Variants in NCAPD2 observed in about 807,000 individuals in gnomAD.
The protein encoded by NCAPD2 is non-SMC condensin I complex subunit D2.
A neutral mutation model predicts 164.5 loss-of-function variants in NCAPD2; 100 were observed. The ratio of observed to expected loss-of-function variants is 0.61; its 90% CI spans 0.52 to 0.72. NCAPD2 has a LOEUF of 0.72. Ranked by LOEUF, NCAPD2 falls within the 30% of genes least tolerant of loss-of-function variation. The pLI is 0.00. For missense variants in NCAPD2, 1,560 were observed against 1,749.2 expected (o/e 0.89, Z 1.93); for synonymous variants, 585 against 642.6 (o/e 0.91, Z 1.36).
chr12:6,500,326 A>G (rs1206285667), intron 2 of NCAPD2, among the ~76,000 whole-genome samples: 3 of 152,228 alleles, frequency 2.0e-5, no homozygotes, highest in Non-Finnish European at 4.4e-5. Context: ...TTGGATCATC[A>G]GAGAAGGCTT....
chr12:6,523,122 C>A, intron 16 of NCAPD2, 120 bp downstream of exon 16: 1 of 1,443,944 alleles, frequency 6.9e-7, no homozygotes. Context: ...ATAGGCAGTC[C>A]ATCATAGTGG....
chr12:6,506,609 T>C (rs889819446), intron 2 of NCAPD2, among the ~76,000 whole-genome samples: 1 of 151,144 alleles, frequency 6.6e-6, no homozygotes, highest in Admixed American at 6.6e-5. Context: ...AAAAAAGACA[T>C]ATATATTTTA....
At chr12:6,526,767 A>ACTC in intron 21 of NCAPD2, 124 bp from the exon 22 acceptor site, 1 of 1,419,798 alleles carries the variant, frequency 7.0e-7, no homozygotes, top group South Asian at 1.3e-5. Flanking sequence ...CCCACCCCCA[A>ACTC]CTCTTACTAC....
intron 6 of NCAPD2, among the ~76,000 whole-genome samples, chr12:6,512,292 A>AGAT (rs1491015938): frequency 3.9e-5 from 5 of 128,946 alleles, no homozygotes; most frequent in Non-Finnish European, 6.7e-5. Flanking sequence ...AAAAAAAAAA[A>AGAT]AGATAGATAG....
rs1946171835 is a variant in NCAPD2, at chr12:6,513,715, C to CTTTGTTTTTTTTTTTTTTTTT, written c.588-547_588-546insGTTTTTTTTTTTTTTTTTTTT. Among the ~76,000 whole-genome samples the CTTTGTTTTTTTTTTTTTTTTT allele has an allele frequency of 8.0e-5, 6 of 74,894 alleles. 1 individual carries two copies. The highest frequency in any genetic ancestry group is 1.5e-4 in the Non-Finnish European group (6 of 39,380). 49.1% of individuals were successfully genotyped at this position (74,894 alleles called of 152,430 possible). ...AATGAGAAGTCATTGGTGACTTTGT[C>CTTTGTTTTTTTTTTTTTTTTT]TTTTTTTTTTTTTTTTTTGTGATGG... On this transcript the variant is annotated intron_variant, in intron 6 of 31. Transcript: ENST00000315579.
At position 6,499,411 on chromosome 12, in the gene NCAPD2, G is replaced by A. The variant is rs149823735; in HGVS notation, c.127+4186G>A. On this transcript the variant is annotated intron_variant, in intron 2 of 31. Transcript: ENST00000315579. ...GGGGTTTTTTTGTTGTTCTGGAGAC[G>A]GAGTTTTGCTCTGTCGCCCAGGTTG... is the stretch of plus-strand genomic sequence containing the variant. Among the ~76,000 whole-genome samples, 87 of 151,582 alleles carry A rather than the reference G, an allele frequency of 5.7e-4. 2 individuals carry two copies. In the East Asian group the frequency reaches 0.012, roughly 22 times the overall value.
Position 6,531,501 on chromosome 12 carries a change from CTCTTT to C in NCAPD2, c.*91_*95del. The C allele has an allele frequency of 1.3e-6, 2 of 1,527,930 alleles. No homozygotes were observed. Among genetic ancestry groups the C allele is most frequent in the African/African-American group, 1.5e-5 (1 of 67,164 alleles). 94.6% of individuals were successfully genotyped at this position (1,527,930 alleles called of 1,614,324 possible). On this transcript the variant is annotated 3_prime_UTR_variant, in exon 32 of 32. Coordinates refer to ENST00000315579, the MANE Select transcript of NCAPD2 (RefSeq NM_014865.4). The surrounding 1 kb of genome is among the most constrained non-coding windows in gnomAD (Gnocchi z 4.1). ...TTTCCCTTGTAAAATATTTGTCTGT[CTCTTT>C]TTTTTAAAAAAAAAAAAGGCCGGGC...
chr12:6,531,447 C>A lies in NCAPD2; in HGVS notation c.*35C>A. On this transcript the variant is annotated 3_prime_UTR_variant, in exon 32 of 32. Coordinates refer to ENST00000315579, the MANE Select transcript of NCAPD2 (RefSeq NM_014865.4). This position sits in a 1 kb window ranked among gnomAD's most constrained non-coding sequence, Gnocchi z 4.1. Reference sequence around the variant, plus strand: ...TCCTGTCCTCCCTGTGCAGGGTATCCTGTAGGGTGACCTGGAATTCGAATT... The same window carrying A: ...TCCTGTCCTCCCTGTGCAGGGTATCATGTAGGGTGACCTGGAATTCGAATT... The A allele has an allele frequency of 6.2e-7, 1 of 1,609,762 alleles. No individual in the cohort carries two copies. Among genetic ancestry groups the A allele is most frequent in the Non-Finnish European group, 8.5e-7 (1 of 1,178,584 alleles).
intron 5 of NCAPD2, 30 bp downstream of exon 5, chr12:6,510,840 T>A: frequency 3.1e-6 from 5 of 1,601,196 alleles, no homozygotes; most frequent in Non-Finnish European, 4.3e-6. Flanking sequence ...TCACGTTATA[T>A]GGGGTCTGGG....
intron 14 of NCAPD2, 131 bp downstream of exon 14, chr12:6,521,241 C>G: frequency 8.6e-7 from 1 of 1,158,060 alleles, no homozygotes. Context: ...ATTGGCATTA[C>G]TTTTGCTCTG....
rs201735986 is a variant in NCAPD2 at position 6,528,684 on chromosome 12, G to A, written c.3305G>A (p.Arg1102Gln). 122 of 1,611,068 alleles carry A rather than the reference G, an allele frequency of 7.6e-5. No individual in the cohort carries two copies. The highest frequency in any genetic ancestry group is 9.4e-5 in the Non-Finnish European group (111 of 1,177,576). ...ACCCGCAATTCCATTCCTAGTCTCC[G>A]GGACCCTGCTCAGCAAGTGCGGAAA... is the stretch of plus-strand genomic sequence containing the variant. ...PWTPHLYARL[R>Q]DPAQQVRKTA... Residue 1102 changes from arginine to glutamine, a missense_variant, in exon 26 of 32, where the codon CGG becomes CAG. Coordinates refer to ENST00000315579, the MANE Select transcript of NCAPD2 (RefSeq NM_014865.4). The surrounding 1 kb of genome is among the most constrained non-coding windows in gnomAD (Gnocchi z 5.1).
At chr12:6,524,465 G>A (rs747333168) in intron 17 of NCAPD2, among the ~76,000 whole-genome samples, 1 of 151,894 alleles carries the variant, frequency 6.6e-6, no homozygotes, top group Non-Finnish European at 1.5e-5. Context: ...TGGTCAACAT[G>A]GCGAAACCCC....
intron 6 of NCAPD2, among the ~76,000 whole-genome samples, chr12:6,512,404 A>G (rs889973757): frequency 6.6e-6 from 1 of 152,188 alleles, no homozygotes; most frequent in Non-Finnish European, 1.5e-5. Context: ...ACTGAGAGCT[A>G]TGAGAATATG....
At chr12:6,527,225 C>T (rs995274556) in intron 22 of NCAPD2, among the ~76,000 whole-genome samples, 162 bp downstream of exon 22, 7 of 152,174 alleles carry the variant, frequency 4.6e-5, no homozygotes, top group Admixed American at 2.6e-4. Context: ...TGAACAATGA[C>T]GAAACTGTCA....
At chr12:6,511,902 T>C (rs536167452) in intron 6 of NCAPD2, among the ~76,000 whole-genome samples, 1 of 151,798 alleles carries the variant, frequency 6.6e-6, no homozygotes, top group Non-Finnish European at 1.5e-5. Flanking sequence ...GAGCATCACT[T>C]GAACCTGGGA....
chr12:6,512,548 G>A (rs558407456), intron 6 of NCAPD2, among the ~76,000 whole-genome samples: 4 of 152,358 alleles, frequency 2.6e-5, no homozygotes, highest in South Asian at 2.1e-4. Context: ...GGGTTAGGCC[G>A]TGAGGCCATG....
At chr12:6,526,861 T>G in intron 21 of NCAPD2, 30 bp from the exon 22 acceptor site, 1 of 1,578,794 alleles carries the variant, frequency 6.3e-7, no homozygotes, top group South Asian at 1.2e-5. Flanking sequence ...AATGTCTCTT[T>G]GCCCCACCTT....
At chr12:6,504,182 CATATATATATATATATATATAT>C (rs1176237960) in intron 2 of NCAPD2, among the ~76,000 whole-genome samples, 7 of 57,762 alleles carry the variant, frequency 1.2e-4, no homozygotes, top group African/African-American at 1.6e-4. Flanking sequence ...TATATATATA[CATATATATATATATATATATAT>C]ATATATATAT....
intron 15 of NCAPD2, 128 bp from the exon 16 acceptor site, chr12:6,522,700 A>C: frequency 1.0e-6 from 1 of 952,458 alleles, no homozygotes; most frequent in Non-Finnish European, 1.6e-6. Flanking sequence ...TCATAGGAGG[A>C]GTCGACATTC....
Sources: gnomAD v4.1 joint callset for allele counts (sites outside exome capture counted in the v4.1 genomes callset) on GRCh38, gnomAD v4.1.1 for gene constraint, Gnocchi (gnomAD v3.1) non-coding constraint, MANE v1.5 for transcripts, NCBI Gene and HGNC (gene_info 2026-07-23, HGNC 2026-07-21) for gene names.